RGMA: variants seen among roughly 807,000 people sequenced by gnomAD.
The protein encoded by RGMA is repulsive guidance molecule BMP co-receptor a.
A neutral mutation model predicts 23.2 loss-of-function variants in RGMA; 10 were observed. The ratio of observed to expected loss-of-function variants is 0.43; its 90% CI spans 0.27 to 0.73. The LOEUF (loss-of-function observed/expected upper bound fraction) is 0.73, where lower values mean the gene tolerates loss of function less well. Among genes scored for constraint, RGMA ranks in the 30% least tolerant of loss-of-function variants. The probability of loss-of-function intolerance (pLI) is 0.20; values close to 1 mark genes in which losing one functional copy is unlikely to be tolerated. For synonymous variants in RGMA, 308 were observed against 279.3 expected, an observed-to-expected ratio of 1.10 and a Z score of -1.03; for missense variants, 547 against 630.5, an observed-to-expected ratio of 0.87 and a Z score of 1.42.
chr15:93,051,089 C>T (rs895738036), intron 3 of RGMA, among the ~76,000 whole-genome samples: 3 of 152,196 alleles, frequency 2.0e-5, no homozygotes, highest in Non-Finnish European at 4.4e-5. Flanking sequence ...AGGGCGAAGA[C>T]CTGCTTATTT....
At chr15:93,075,779 G>T (rs1053216140) in intron 1 of RGMA, among the ~76,000 whole-genome samples, 1 of 152,172 alleles carries the variant, frequency 6.6e-6, no homozygotes, top group Non-Finnish European at 1.5e-5. Context: ...CCCCAGTCTT[G>T]CGACATGAGC....
In RGMA at chr15:93,044,872, G is replaced by T; in HGVS notation, c.*126C>A. On this transcript the variant is annotated 3_prime_UTR_variant, in exon 4 of 4. Transcript: ENST00000329082. ...TCCGTGCCTGAGCCCTTGGCAGCAG[G>T]CGGTCCCTGGCGTTCTGCGGGGCCA... 1 of 763,788 alleles carries T rather than the reference G, an allele frequency of 1.3e-6. No homozygotes were observed. Among genetic ancestry groups the T allele is most frequent in the Non-Finnish European group, 2.1e-6 (1 of 475,846 alleles). 47.3% of individuals were successfully genotyped at this position (763,788 alleles called of 1,614,324 possible).
intron 2 of RGMA, among the ~76,000 whole-genome samples, chr15:93,057,182 C>T (rs2055028150): frequency 1.3e-5 from 2 of 152,322 alleles, no homozygotes; most frequent in Non-Finnish European, 2.9e-5. Context: ...GAGGGGGCCT[C>T]GCTTCCCATG....
intron 2 of RGMA, among the ~76,000 whole-genome samples, chr15:93,069,950 A>G (rs1895271463): frequency 6.6e-6 from 1 of 152,254 alleles, no homozygotes; most frequent in African/African-American, 2.4e-5. Flanking sequence ...TGATTTGAGT[A>G]GGATGCCATT....
At chr15:93,077,660 C>T (rs989451618) in intron 1 of RGMA, among the ~76,000 whole-genome samples, 2 of 152,180 alleles carry the variant, frequency 1.3e-5, no homozygotes, top group Non-Finnish European at 2.9e-5. Flanking sequence ...CAATCTTGTG[C>T]GAGGGTGAGT....
At chr15:93,061,985 T>C (rs1208494694) in intron 2 of RGMA, among the ~76,000 whole-genome samples, 4 of 151,840 alleles carry the variant, frequency 2.6e-5, no homozygotes, top group African/African-American at 7.3e-5. Flanking sequence ...ACAATGCAAT[T>C]TGCCACCAAG....
intron 3 of RGMA, among the ~76,000 whole-genome samples, chr15:93,047,546 C>G (rs1361244157): frequency 2.0e-5 from 3 of 149,938 alleles, no homozygotes; most frequent in East Asian, 2.0e-4. Flanking sequence ...TAAGCCCCAA[C>G]CCCTCACCCC....
At chr15:93,079,511 A>C (rs1464968335) in intron 1 of RGMA, among the ~76,000 whole-genome samples, 1 of 152,216 alleles carries the variant, frequency 6.6e-6, no homozygotes, top group African/African-American at 2.4e-5. Flanking sequence ...ATATTCTGCA[A>C]AAGTGGCTAT....
rs1238645472 is a variant in RGMA, at chr15:93,040,840, A to G, written c.*4158T>C. 21 of 152,208 alleles carry G rather than the reference A, an allele frequency of 1.4e-4. 1 individual carries two copies. The highest frequency in any genetic ancestry group is 1.3e-3 in the Admixed American group (20 of 15,278). The allele number at this position is 152,208 out of a possible 1,614,324, so 9.4% of individuals were successfully genotyped here. A position where few individuals can be genotyped will look rare whatever the true frequency, so the allele number is the denominator to read the frequency against. Reference sequence around the variant, plus strand: ...GAGGCGGCCACTTTTGGCGGCCTCCATGCGTGGTGCCAGGGCCATGTGCGA... The same window carrying G: ...GAGGCGGCCACTTTTGGCGGCCTCCGTGCGTGGTGCCAGGGCCATGTGCGA... On this transcript the variant is annotated 3_prime_UTR_variant, in exon 4 of 4. Coordinates refer to ENST00000329082, the MANE Select transcript of RGMA (RefSeq NM_020211.3).
At chr15:93,047,283 G>GA (rs1459860097) in intron 3 of RGMA, among the ~76,000 whole-genome samples, 1 of 152,172 alleles carries the variant, frequency 6.6e-6, no homozygotes, top group Non-Finnish European at 1.5e-5. Flanking sequence ...TGGAAACAGA[G>GA]AAACTGGGAG....
chr15:93,058,592 C>T (rs1057241350), intron 2 of RGMA, among the ~76,000 whole-genome samples: 2 of 152,168 alleles, frequency 1.3e-5, no homozygotes, highest in Non-Finnish European at 2.9e-5. Context: ...TCCTTTAGCC[C>T]TTAATATAGA....
chr15:93,066,459 G>A, intron 2 of RGMA: 2 of 579,376 alleles, frequency 3.5e-6, no homozygotes. Context: ...GGTTGCCACG[G>A]GTGCGGGGGC....
At position 93,088,866 on chromosome 15, in the gene RGMA, G is replaced by T. The variant is rs572528080; in HGVS notation, c.14+53C>A. 34 of 1,473,604 alleles carry T rather than the reference G, an allele frequency of 2.3e-5. No individual in the cohort carries two copies. The African/African-American group carries it at 3.9e-4, about 17-fold the overall frequency. The allele number at this position is 1,473,604 out of a possible 1,614,324, so 91.3% of individuals were successfully genotyped here. On this transcript the variant is annotated intron_variant, in intron 1 of 3. Transcript: ENST00000329082. ...CGCCGTGGCCCCGGCATGTGTCGGC[G>T]GCGCCTCGGAGATGTCAGAGCCGGG...
chr15:93,084,585 C>T (rs2141850040), intron 1 of RGMA, among the ~76,000 whole-genome samples: 2 of 152,174 alleles, frequency 1.3e-5, no homozygotes, highest in South Asian at 4.1e-4. Flanking sequence ...CGACTCTCCT[C>T]TCTCAGCCAC....
At chr15:93,054,959 T>C (rs2054989751) in intron 2 of RGMA, among the ~76,000 whole-genome samples, 1 of 151,606 alleles carries the variant, frequency 6.6e-6, no homozygotes, top group South Asian at 2.1e-4. Flanking sequence ...GTACAGGAGG[T>C]GAGTGTGGTG....
chr15:93,080,909 C>T (rs776595915), intron 1 of RGMA, among the ~76,000 whole-genome samples: 4 of 152,192 alleles, frequency 2.6e-5, no homozygotes, highest in East Asian at 1.9e-4. Context: ...CCCCGACCAC[C>T]GCTTTCTTCT....
intron 3 of RGMA, among the ~76,000 whole-genome samples, chr15:93,050,917 G>A (rs2054907153): frequency 6.6e-6 from 1 of 152,196 alleles, no homozygotes; most frequent in African/African-American, 2.4e-5. Context: ...GAGGGCGGGT[G>A]GTGGGGAGGT....
chr15:93,065,519 G>GTACA, intron 2 of RGMA: 1 of 621,022 alleles, frequency 1.6e-6, no homozygotes, highest in Non-Finnish European at 3.1e-6. Flanking sequence ...ACTGGGTAGG[G>GTACA]TACAGGTCAG....
In RGMA at chr15:93,073,312, G is replaced by A. The variant is rs1042024457; in HGVS notation, c.15-281C>T. 2.6e-5 allele frequency among the ~76,000 whole-genome samples: 4 copies of A among 151,780 alleles called. No individual in the cohort carries two copies. In the East Asian group the frequency reaches 7.9e-4, roughly 30 times the overall value. On this transcript the variant is annotated intron_variant, in intron 1 of 3. Coordinates refer to ENST00000329082, the MANE Select transcript of RGMA (RefSeq NM_020211.3). ...GCCGGCGAGGTAGCCGGAGGCGGCC[G>A]GGCGGGGACCCAGGCTGCCCGGCCG...
Sources: gnomAD v4.1 joint callset for allele counts (sites outside exome capture counted in the v4.1 genomes callset) on GRCh38, gnomAD v4.1.1 for gene constraint, MANE v1.5 for transcripts, NCBI Gene and HGNC (gene_info 2026-07-23, HGNC 2026-07-21) for gene names.